Variants in ROBO2 observed in about 807,000 individuals in gnomAD.
ROBO2 encodes roundabout guidance receptor 2, also known as roundabout homolog 2.
ROBO2 carries 53 observed loss-of-function variants against 160.8 expected under a neutral mutation model. The ratio of observed to expected loss-of-function variants is 0.33; its 90% CI spans 0.26 to 0.41. ROBO2 has a LOEUF of 0.41. Ranked by LOEUF, ROBO2 falls within the 10% of genes least tolerant of loss-of-function variation. The pLI, the probability that ROBO2 is intolerant of heterozygous loss-of-function variation, is 1.00. For missense variants in ROBO2, 1,577 were observed against 1,722.4 expected, an observed-to-expected ratio of 0.92 and a Z score of 1.49; for synonymous variants, 664 against 611.7, an observed-to-expected ratio of 1.09 and a Z score of -1.26.
At chr3:77,083,510 T>C (rs887258139) in intron 1 of ROBO2, among the ~76,000 whole-genome samples, 2 of 152,116 alleles carry the variant, frequency 1.3e-5, no homozygotes, top group African/African-American at 4.8e-5. Flanking sequence ...GCATTTTTTC[T>C]AGGAATGGAG....
At chr3:76,796,507 GGAAA>G (rs760286950) in intron 2 of ROBO2, among the ~76,000 whole-genome samples, 61 of 112,672 alleles carry the variant, frequency 5.4e-4, no homozygotes, top group African/African-American at 8.9e-4. Flanking sequence ...AAGGAAAGAA[GGAAA>G]GAAGGAAGGA....
chr3:77,107,335 A>T (rs2072944474), intron 2 of ROBO2, among the ~76,000 whole-genome samples: 1 of 152,166 alleles, frequency 6.6e-6, no homozygotes, highest in African/African-American at 2.4e-5. Context: ...TAAGAGAGGC[A>T]GGTGTTTGGA....
intron 2 of ROBO2, among the ~76,000 whole-genome samples, chr3:76,396,045 T>C (rs1246822909): frequency 6.6e-6 from 1 of 152,076 alleles, no homozygotes; most frequent in African/African-American, 2.4e-5. Flanking sequence ...ACCAATAACC[T>C]TGATGAACAT....
intron 23 of ROBO2, among the ~76,000 whole-genome samples, chr3:77,624,113 A>G (rs2094956361): frequency 6.6e-6 from 1 of 152,208 alleles, no homozygotes; most frequent in East Asian, 1.9e-4. Context: ...TGCCATATAT[A>G]AAAACCTCAG....
intron 2 of ROBO2, among the ~76,000 whole-genome samples, chr3:77,447,463 T>G (rs527258060): frequency 1.3e-5 from 2 of 152,264 alleles, no homozygotes; most frequent in South Asian, 4.1e-4. Context: ...ATTTAACTTT[T>G]TATATACTAA....
At chr3:76,356,672 A>G (rs1425993733) in intron 2 of ROBO2, among the ~76,000 whole-genome samples, 1 of 151,942 alleles carries the variant, frequency 6.6e-6, no homozygotes, top group East Asian at 1.9e-4. Flanking sequence ...AAAGGAAAAA[A>G]TGGACATATC....
intron 2 of ROBO2, among the ~76,000 whole-genome samples, chr3:76,029,509 TC>T (rs1161103696): frequency 6.6e-6 from 1 of 151,876 alleles, no homozygotes; most frequent in Non-Finnish European, 1.5e-5. Flanking sequence ...AAGCTATCCC[TC>T]CCCCCATTCC....
intron 5 of ROBO2, among the ~76,000 whole-genome samples, chr3:77,505,467 G>A (rs914707491): frequency 6.6e-6 from 1 of 151,900 alleles, no homozygotes; most frequent in African/African-American, 2.4e-5. Context: ...GAAGTCAAAA[G>A]GTATTATTCA....
intron 2 of ROBO2, among the ~76,000 whole-genome samples, chr3:76,941,172 G>A (rs547682926): frequency 6.6e-6 from 1 of 151,106 alleles, no homozygotes; most frequent in Non-Finnish European, 1.5e-5. Flanking sequence ...CATTTTTTTT[G>A]ATGGATTCTT....
rs550531193 is a variant in ROBO2, at chr3:76,885,812, T to G, written c.110-212202T>G. On this transcript the variant is annotated intron_variant, in intron 2 of 26. Transcript: ENST00000487694. ...TGATTTTGAATGATTACATCTTTCT[T>G]TATGCTCACATGGCACATTTTTCCT... is the stretch of plus-strand genomic sequence containing the variant. Among the ~76,000 whole-genome samples, 32 of 152,256 alleles carry G rather than the reference T, an allele frequency of 2.1e-4. No individual in the cohort carries two copies. In the South Asian group the frequency reaches 6.6e-3, roughly 32 times the overall value.
chr3:76,588,437 A>G (rs1489464529), intron 2 of ROBO2, among the ~76,000 whole-genome samples: 2 of 152,236 alleles, frequency 1.3e-5, no homozygotes, highest in Non-Finnish European at 2.9e-5. Flanking sequence ...TAGAGGATGG[A>G]TTAAGCAATA....
At chr3:75,971,676 G>GA (rs1321172534) in intron 2 of ROBO2, among the ~76,000 whole-genome samples, 1 of 151,202 alleles carries the variant, frequency 6.6e-6, no homozygotes, top group Non-Finnish European at 1.5e-5. Flanking sequence ...CTATAACTTT[G>GA]AAAAAATTTT....
At chr3:77,165,844 G>T (rs1202620859) in intron 2 of ROBO2, among the ~76,000 whole-genome samples, 2 of 152,070 alleles carry the variant, frequency 1.3e-5, no homozygotes, top group Non-Finnish European at 2.9e-5. Context: ...ACTCCATAGA[G>T]CTGTCTTCTT....
intron 2 of ROBO2, among the ~76,000 whole-genome samples, chr3:76,960,429 G>A (rs950292898): frequency 6.7e-6 from 1 of 150,030 alleles, no homozygotes; most frequent in Non-Finnish European, 1.5e-5. Flanking sequence ...CTTTAAAAAT[G>A]TATGTGCATA....
chr3:76,776,919 T>G (rs1314111053), intron 2 of ROBO2, among the ~76,000 whole-genome samples: 1 of 150,996 alleles, frequency 6.6e-6, no homozygotes, highest in Non-Finnish European at 1.5e-5. Flanking sequence ...GATTTAAATA[T>G]CTTGTTGATA....
chr3:77,414,773 C>T (rs2077076025), intron 2 of ROBO2, among the ~76,000 whole-genome samples: 1 of 152,138 alleles, frequency 6.6e-6, no homozygotes, highest in South Asian at 2.1e-4. Context: ...TAAGTGGGAA[C>T]CCTGGCATAC....
intron 2 of ROBO2, among the ~76,000 whole-genome samples, chr3:76,964,730 T>C (rs2079945350): frequency 1.3e-5 from 2 of 152,208 alleles, no homozygotes; most frequent in African/African-American, 2.4e-5. Context: ...TTTACATTCC[T>C]AGTATTTATT....
At chr3:76,285,800 T>A (rs1228436025) in intron 2 of ROBO2, among the ~76,000 whole-genome samples, 1 of 152,188 alleles carries the variant, frequency 6.6e-6, no homozygotes, top group Admixed American at 6.6e-5. Flanking sequence ...TTTTCATGTT[T>A]GTATATCTTA....
intron 2 of ROBO2, among the ~76,000 whole-genome samples, chr3:76,236,567 C>A (rs1704957731): frequency 6.6e-6 from 1 of 152,210 alleles, no homozygotes; most frequent in African/African-American, 2.4e-5. Flanking sequence ...TTACTTTCTA[C>A]TAAGTAGATT....
Sources: gnomAD v4.1 joint callset for allele counts (sites outside exome capture counted in the v4.1 genomes callset) on GRCh38, gnomAD v4.1.1 for gene constraint, MANE v1.5 for transcripts, NCBI Gene and HGNC (gene_info 2026-07-23, HGNC 2026-07-21) for gene names.